PPIP5K2: variants seen among roughly 807,000 people sequenced by gnomAD.
PPIP5K2 encodes the protein diphosphoinositol pentakisphosphate kinase 2.
Under a neutral mutation model 154.6 loss-of-function variants are expected in PPIP5K2, and 105 were observed. The observed-to-expected ratio is 0.68, with a 90% CI of 0.58 to 0.80. The LOEUF is 0.80. Ranked by LOEUF, PPIP5K2 falls within the 30% of genes least tolerant of loss-of-function variation. The probability of loss-of-function intolerance (pLI) is 0.00; values close to 1 mark genes in which losing one functional copy is unlikely to be tolerated. For synonymous variants in PPIP5K2, 480 were observed against 490.3 expected (o/e 0.98, Z 0.28); for missense variants, 992 against 1,504.6 (o/e 0.66, Z 5.64).
chr5:103,190,636 A>G (rs1470903245), intron 28 of PPIP5K2, among the ~76,000 whole-genome samples: 1 of 151,964 alleles, frequency 6.6e-6, no homozygotes, highest in Non-Finnish European at 1.5e-5. Flanking sequence ...ACGTGATTAC[A>G]TTTAAAAAGA....
rs1554212165 is a variant in PPIP5K2 at position 103,153,915 on chromosome 5, A to T, written c.1198A>T (p.Met400Leu). ...GDRTPKQKMK[M>L]EVRHQKFFDL... ...TCGAACACCAAAACAAAAAATGAAA[A>T]TGGAAGTGAGACATCAGAAGTATGT... Residue 400 changes from methionine to leucine, a missense_variant, in exon 11 of 31, where the codon ATG becomes TTG. By Grantham distance (15) the Met-to-Leu change is conservative. This residue lies in a region of PPIP5K2 where 163 missense variants were observed against 285.2 expected (regional missense o/e 0.57). Transcript: ENST00000358359. 1 of 1,606,106 alleles carries T rather than the reference A, an allele frequency of 6.2e-7. No homozygotes were observed. Among genetic ancestry groups the T allele is most frequent in the Admixed American group, 1.7e-5 (1 of 59,122 alleles).
At chr5:103,160,406 C>G (rs1164581750) in intron 17 of PPIP5K2, among the ~76,000 whole-genome samples, 1 of 152,036 alleles carries the variant, frequency 6.6e-6, no homozygotes, top group Non-Finnish European at 1.5e-5. Context: ...GTTCATAGAA[C>G]ATGTTTTATT....
chr5:103,160,195 T>A (rs893162057), intron 17 of PPIP5K2, among the ~76,000 whole-genome samples: 10 of 152,212 alleles, frequency 6.6e-5, no homozygotes, highest in African/African-American at 1.9e-4. Context: ...TGATTCCAGA[T>A]CTTATCTATT....
At chr5:103,181,062 AAAAAC>A (rs1306039153) in intron 24 of PPIP5K2, among the ~76,000 whole-genome samples, 1 of 152,188 alleles carries the variant, frequency 6.6e-6, no homozygotes, top group Non-Finnish European at 1.5e-5. Context: ...TCTCTAATAG[AAAAAC>A]ATTTAAATAA....
chr5:103,189,242 T>C (rs1800851015), intron 28 of PPIP5K2: 11 of 1,500,460 alleles, frequency 7.3e-6, no homozygotes, highest in Non-Finnish European at 9.0e-6. Context: ...TTTTTATAGC[T>C]TCTAAACATG....
intron 29 of PPIP5K2, 102 bp from the exon 30 acceptor site, chr5:103,194,798 T>G: frequency 1.6e-6 from 2 of 1,284,864 alleles, no homozygotes; most frequent in South Asian, 1.6e-5. Flanking sequence ...TCTGTTATTA[T>G]GAATATTCGT....
At chr5:103,125,857 T>C (rs1411454700) in intron 1 of PPIP5K2, among the ~76,000 whole-genome samples, 2 of 152,216 alleles carry the variant, frequency 1.3e-5, no homozygotes, top group Non-Finnish European at 2.9e-5. Flanking sequence ...GGTCTTGAAC[T>C]CCTGGCCTCA....
rs540063561 is a variant in PPIP5K2, at chr5:103,149,679, A to G, written c.906+366A>G. On this transcript the variant is annotated intron_variant, in intron 8 of 30. Coordinates refer to ENST00000358359, the MANE Select transcript of PPIP5K2 (RefSeq NM_001276277.3). ...AAACAGTTCTCAGTGGTCTATGTTC[A>G]TGAAAACAATATAAAAACATTTCTT... Among the ~76,000 whole-genome samples the G allele has an allele frequency of 2.6e-5, 4 of 152,012 alleles. No homozygotes were observed. The South Asian group carries it at 6.2e-4, about 24-fold the overall frequency.
chr5:103,145,745 G>A lies in PPIP5K2; in HGVS notation c.488-782G>A, dbSNP rs561052063. 2.5e-4 allele frequency among the ~76,000 whole-genome samples: 38 copies of A among 151,528 alleles called. No homozygotes were observed. In the South Asian group the frequency reaches 6.0e-3, roughly 24 times the overall value. On this transcript the variant is annotated intron_variant, in intron 5 of 30. Coordinates refer to ENST00000358359, the MANE Select transcript of PPIP5K2 (RefSeq NM_001276277.3). ...TGGAGGGAAGGGTTGCAAGGATGAC[G>A]GGGATGAAGTGAGGATAGTTAGTGA...
chr5:103,152,569 A>T, intron 9 of PPIP5K2, 79 bp from the exon 10 acceptor site: 1 of 800,298 alleles, frequency 1.2e-6, no homozygotes, highest in Non-Finnish European at 2.1e-6. Flanking sequence ...AACTCTTATG[A>T]TTCTCTCTCA....
chr5:103,200,267 G>A (rs782289051), intron 30 of PPIP5K2, among the ~76,000 whole-genome samples: 11 of 152,048 alleles, frequency 7.2e-5, no homozygotes, highest in Non-Finnish European at 1.5e-4. Flanking sequence ...TCCTTTTTGA[G>A]ATTTTCCACC....
intron 28 of PPIP5K2, chr5:103,189,353 CT>C (rs1800872468): frequency 1.6e-6 from 1 of 618,860 alleles, no homozygotes; most frequent in Non-Finnish European, 2.6e-6. Flanking sequence ...TCTAGAGGAA[CT>C]TAATTATATT....
In PPIP5K2 at chr5:103,129,316, T is replaced by C. The variant is rs566302344; in HGVS notation, c.-274T>C. 4.8e-6 allele frequency: 1 copy of C among 206,194 alleles called. No homozygotes were observed. The highest frequency in any genetic ancestry group is 1.0e-4 in the East Asian group (1 of 9,854). The allele number at this position is 206,194 out of a possible 1,614,324, so 12.8% of individuals were successfully genotyped here. A position where few individuals can be genotyped will look rare whatever the true frequency, so the allele number is the denominator to read the frequency against. ...TTCATTGCATTTTAGGTAAGAAGAT[T>C]GCTGTATCAACTCAAGAAAGCAGTA... is the stretch of plus-strand genomic sequence containing the variant. On this transcript the variant is annotated 5_prime_UTR_variant, in exon 2 of 31. Coordinates refer to ENST00000358359, the MANE Select transcript of PPIP5K2 (RefSeq NM_001276277.3).
intron 17 of PPIP5K2, among the ~76,000 whole-genome samples, chr5:103,164,995 A>T (rs1796918412): frequency 6.6e-6 from 1 of 152,072 alleles, no homozygotes; most frequent in Non-Finnish European, 1.5e-5. Context: ...TAGTGGTTTG[A>T]TCTTAAGCAA....
intron 17 of PPIP5K2, among the ~76,000 whole-genome samples, chr5:103,164,069 T>C (rs1162604630): frequency 3.9e-5 from 6 of 151,998 alleles, no homozygotes; most frequent in African/African-American, 1.4e-4. Context: ...ATCCTGTGGG[T>C]GTTTTCTTTG....
chr5:103,151,894 T>C (rs1374848078), intron 9 of PPIP5K2, among the ~76,000 whole-genome samples: 1 of 152,054 alleles, frequency 6.6e-6, no homozygotes, highest in African/African-American at 2.4e-5. Context: ...TCAACCTGTT[T>C]TCTTTATACC....
At chr5:103,194,666 G>T (rs892884327) in intron 29 of PPIP5K2, 3 of 333,846 alleles carry the variant, frequency 9.0e-6, no homozygotes, top group Non-Finnish European at 1.1e-5. Context: ...TTCCTTTGGT[G>T]CATACTATTT....
intron 2 of PPIP5K2, among the ~76,000 whole-genome samples, chr5:103,131,993 T>G (rs557980209): frequency 6.6e-6 from 1 of 152,286 alleles, no homozygotes; most frequent in Admixed American, 6.5e-5. Context: ...ATGTGAAATG[T>G]TAGGTTAGAG....
chr5:103,121,242 T>C (rs532502904), intron 1 of PPIP5K2, among the ~76,000 whole-genome samples: 1 of 152,338 alleles, frequency 6.6e-6, no homozygotes, highest in East Asian at 1.9e-4. Context: ...ATGAAATAGA[T>C]AATTTTTTTG....
Sources: gnomAD v4.1 joint callset for allele counts (sites outside exome capture counted in the v4.1 genomes callset) on GRCh38, gnomAD v4.1.1 for gene constraint, gnomAD v4.1.1 regional missense constraint, MANE v1.5 for transcripts, NCBI Gene and HGNC (gene_info 2026-07-23, HGNC 2026-07-21) for gene names.